The following EIF4G3 variants were observed in gnomAD, a reference collection of about 807,000 sequenced individuals.
EIF4G3 encodes eukaryotic translation initiation factor 4 gamma 3, also known as eIF-4-gamma 3.
EIF4G3 carries 34 observed loss-of-function variants against 186.4 expected under a neutral mutation model. The observed-to-expected ratio is 0.18, with a 90% CI of 0.14 to 0.24. EIF4G3 has a LOEUF of 0.24. EIF4G3 is among the 10% of genes least tolerant of loss of function. EIF4G3 has a pLI of 1.00. For synonymous variants in EIF4G3, 673 were observed against 679.5 expected (o/e 0.99, Z 0.15); for missense variants, 1,536 against 1,948.5 (o/e 0.79, Z 3.99).
chr1:21,057,656 T>C (rs1380894505), intron 3 of EIF4G3, among the ~76,000 whole-genome samples: 2 of 152,144 alleles, frequency 1.3e-5, no homozygotes, highest in Non-Finnish European at 2.9e-5. Flanking sequence ...TATGTACTTA[T>C]ATGAACGTGT....
intron 36 of EIF4G3, among the ~76,000 whole-genome samples, chr1:20,808,164 G>A (rs2058478391): frequency 6.6e-6 from 1 of 151,972 alleles, no homozygotes; most frequent in Admixed American, 6.6e-5. Flanking sequence ...GATTACAGGC[G>A]TGAGCCACCG....
chr1:20,947,563 A>G (rs2096017231), intron 13 of EIF4G3, among the ~76,000 whole-genome samples: 1 of 147,324 alleles, frequency 6.8e-6, no homozygotes, highest in African/African-American at 2.5e-5. Context: ...GAGATGAAAG[A>G]AAGAACGAGA....
intron 2 of EIF4G3, among the ~76,000 whole-genome samples, chr1:21,114,630 T>C (rs964372135): frequency 1.3e-5 from 2 of 152,202 alleles, no homozygotes; most frequent in African/African-American, 4.8e-5. Flanking sequence ...GTTGGACAAT[T>C]ATGCAACAGA....
chr1:21,166,147 C>A (rs762582635), intron 2 of EIF4G3, among the ~76,000 whole-genome samples: 3 of 147,750 alleles, frequency 2.0e-5, no homozygotes, highest in Non-Finnish European at 4.5e-5. Flanking sequence ...TACTTCCATG[C>A]CAGGCTCAAT....
At position 21,119,301 on chromosome 1, in the gene EIF4G3, G is replaced by T. The variant is rs145092464; in HGVS notation, c.-271-30088C>A. Reference sequence around the variant, plus strand: ...GCCCTGGGAGATAATCTTATGAAATGAATGTCTGACTAAATAAAAGGGGAA... The same window carrying T: ...GCCCTGGGAGATAATCTTATGAAATTAATGTCTGACTAAATAAAAGGGGAA... On this transcript the variant is annotated intron_variant, in intron 2 of 36. Transcript: ENST00000602326. Among the ~76,000 whole-genome samples, 3 of 151,760 alleles carry T rather than the reference G, an allele frequency of 2.0e-5. No individual in the cohort carries two copies. In the East Asian group the frequency reaches 5.8e-4, roughly 29 times the overall value.
rs1420860586 is a variant in EIF4G3, at chr1:21,145,174, G to A, written c.-272+31001C>T. On this transcript the variant is annotated intron_variant, in intron 2 of 36. Coordinates refer to ENST00000602326, the MANE Select transcript of EIF4G3 (RefSeq NM_001391906.1). ...ATCAGTGTATTTAGTATTTTGCATG[G>A]AGGGCTCATGTAATCCTCAGTACAA... Among the ~76,000 whole-genome samples the A allele has an allele frequency of 5.3e-5, 8 of 152,050 alleles. No individual in the cohort carries two copies. The East Asian group carries it at 7.7e-4, about 15-fold the overall frequency.
intron 11 of EIF4G3, among the ~76,000 whole-genome samples, chr1:20,970,024 C>T (rs1238763153): frequency 6.6e-6 from 1 of 151,844 alleles, no homozygotes; most frequent in African/African-American, 2.4e-5. Context: ...AGTGCAGTGG[C>T]GCAATCTCGG....
At chr1:21,016,268 T>A (rs1349209667) in intron 4 of EIF4G3, among the ~76,000 whole-genome samples, 1 of 152,068 alleles carries the variant, frequency 6.6e-6, no homozygotes, top group Non-Finnish European at 1.5e-5. Flanking sequence ...CTGATAATCA[T>A]CCCAAACAAA....
At chr1:21,094,780 A>AATAATAATAATG (rs2096313862) in intron 2 of EIF4G3, among the ~76,000 whole-genome samples, 1 of 129,492 alleles carries the variant, frequency 7.7e-6, no homozygotes, top group South Asian at 2.2e-4. Context: ...TAATAATAAT[A>AATAATAATAATG]ATAATAATAA....
chr1:20,831,103 G>A (rs2065034823), intron 30 of EIF4G3, among the ~76,000 whole-genome samples: 1 of 152,076 alleles, frequency 6.6e-6, no homozygotes, highest in Non-Finnish European at 1.5e-5. Flanking sequence ...TTTTCTTTGG[G>A]TGGAAGGAAA....
intron 14 of EIF4G3, among the ~76,000 whole-genome samples, chr1:20,911,560 CAAAAAA>C (rs60071144): frequency 7.4e-5 from 3 of 40,698 alleles, no homozygotes; most frequent in Admixed American, 4.1e-4. Context: ...GACCCTGCCT[CAAAAAA>C]AAAAAAAAAA....
intron 2 of EIF4G3, chr1:21,162,028 TC>T (rs2097775997): frequency 6.5e-6 from 1 of 153,402 alleles, no homozygotes; most frequent in Non-Finnish European, 1.5e-5. Context: ...CCAAAGCAGC[TC>T]TACATGACAA....
intron 7 of EIF4G3, among the ~76,000 whole-genome samples, chr1:20,990,676 A>G (rs2080888701): frequency 6.6e-6 from 1 of 152,236 alleles, no homozygotes; most frequent in Admixed American, 6.5e-5. Context: ...CTCAAAAAAA[A>G]GAGAAAGTAT....
intron 4 of EIF4G3, among the ~76,000 whole-genome samples, chr1:21,021,468 C>T (rs1445261747): frequency 3.3e-5 from 5 of 152,192 alleles, no homozygotes; most frequent in African/African-American, 1.2e-4. Flanking sequence ...CTCAGGCTTC[C>T]AAGTGCTCTC....
intron 4 of EIF4G3, among the ~76,000 whole-genome samples, chr1:21,008,158 A>C (rs1029428105): frequency 6.6e-6 from 1 of 152,200 alleles, no homozygotes; most frequent in Admixed American, 6.5e-5. Flanking sequence ...CAAACAAAAT[A>C]CAAAGCAAAC....
At chr1:20,960,200 C>T (rs1558445480) in intron 12 of EIF4G3, among the ~76,000 whole-genome samples, 1 of 152,158 alleles carries the variant, frequency 6.6e-6, no homozygotes, top group Non-Finnish European at 1.5e-5. Context: ...GGCACGGTGG[C>T]TCATGCCTGT....
chr1:21,042,427 ATG>A (rs892621087), intron 4 of EIF4G3, among the ~76,000 whole-genome samples: 3 of 152,286 alleles, frequency 2.0e-5, no homozygotes, highest in East Asian at 3.9e-4. Context: ...CATCTACAAG[ATG>A]TGTGTGTTAT....
At chr1:20,856,584 C>T (rs2074967836) in intron 25 of EIF4G3, among the ~76,000 whole-genome samples, 2 of 152,178 alleles carry the variant, frequency 1.3e-5, no homozygotes, top group African/African-American at 4.8e-5. Context: ...TTACTGCCCA[C>T]AGACTCTCAA....
chr1:20,951,833 G>C (rs1034080474), intron 12 of EIF4G3, among the ~76,000 whole-genome samples: 1 of 152,024 alleles, frequency 6.6e-6, no homozygotes, highest in African/African-American at 2.4e-5. Flanking sequence ...ACAGTAAAAG[G>C]CTACTAGAGT....
Sources: allele counts gnomAD v4.1 joint callset (sites outside exome capture counted in the v4.1 genomes callset), GRCh38; gene constraint gnomAD v4.1.1; transcripts MANE v1.5; gene names NCBI Gene and HGNC (gene_info 2026-07-23, HGNC 2026-07-21).